The following ADGRB3 variants were observed in gnomAD, a reference collection of about 807,000 sequenced individuals.
ADGRB3 encodes the protein brain-specific angiogenesis inhibitor 3.
A neutral mutation model predicts 193.4 loss-of-function variants in ADGRB3; 37 were observed. The observed-to-expected ratio is 0.19, with a 90% CI of 0.15 to 0.25. The LOEUF is 0.25. ADGRB3 is among the 10% of genes least tolerant of loss of function. The probability of loss-of-function intolerance (pLI) is 1.00; values close to 1 mark genes in which losing one functional copy is unlikely to be tolerated. For synonymous variants in ADGRB3, 690 were observed against 644.2 expected, an observed-to-expected ratio of 1.07 and a Z score of -1.08; for missense variants, 1,637 against 1,852.9, an observed-to-expected ratio of 0.88 and a Z score of 2.14.
chr6:69,315,192 A>C (rs1173515864), intron 20 of ADGRB3, among the ~76,000 whole-genome samples: 1 of 151,592 alleles, frequency 6.6e-6, no homozygotes, highest in Non-Finnish European at 1.5e-5. Flanking sequence ...AGAACCCTTT[A>C]AAGCACAAGG....
intron 20 of ADGRB3, among the ~76,000 whole-genome samples, chr6:69,259,255 A>T (rs1329063681): frequency 1.3e-5 from 2 of 152,234 alleles, no homozygotes; most frequent in Non-Finnish European, 2.9e-5. Flanking sequence ...TGGGCCTACA[A>T]GAAGGATGAT....
intron 13 of ADGRB3, among the ~76,000 whole-genome samples, chr6:69,022,560 T>C (rs1402151030): frequency 2.0e-5 from 3 of 151,924 alleles, no homozygotes; most frequent in African/African-American, 4.8e-5. Context: ...TTCCAGAAAC[T>C]CTAATTGCCA....
intron 3 of ADGRB3, among the ~76,000 whole-genome samples, chr6:68,851,142 T>C (rs1026249329): frequency 6.6e-6 from 1 of 152,012 alleles, no homozygotes; most frequent in African/African-American, 2.4e-5. Flanking sequence ...GTAACGTGTT[T>C]AGCCTCTTCC....
intron 17 of ADGRB3, among the ~76,000 whole-genome samples, chr6:69,176,563 T>C (rs1056643401): frequency 2.0e-5 from 3 of 152,200 alleles, no homozygotes; most frequent in African/African-American, 7.2e-5. Flanking sequence ...TTTGTGTGTG[T>C]GTCCATGTTC....
At chr6:69,157,910 A>G (rs567500028) in intron 17 of ADGRB3, among the ~76,000 whole-genome samples, 34 of 152,208 alleles carry the variant, frequency 2.2e-4, no homozygotes, top group African/African-American at 8.2e-4. Context: ...GTGCAGAACT[A>G]CCTCTATTAA....
chr6:68,719,055 T>C (rs553514963), intron 3 of ADGRB3, among the ~76,000 whole-genome samples: 68 of 151,932 alleles, frequency 4.5e-4, no homozygotes, highest in Non-Finnish European at 6.9e-4. Flanking sequence ...CTTAATAGAA[T>C]GTTTTGTAGA....
At chr6:68,920,345 C>T (rs1207027772) in intron 3 of ADGRB3, among the ~76,000 whole-genome samples, 1 of 151,764 alleles carries the variant, frequency 6.6e-6, no homozygotes, top group East Asian at 1.9e-4. Flanking sequence ...TGGTGAAACC[C>T]CATTTCTACT....
chr6:68,874,366 C>G (rs189315634), intron 3 of ADGRB3, among the ~76,000 whole-genome samples: 1 of 151,992 alleles, frequency 6.6e-6, no homozygotes, highest in Non-Finnish European at 1.5e-5. Flanking sequence ...ATTATACATT[C>G]TTCATAACTA....
chr6:68,787,355 T>C (rs1015298627), intron 3 of ADGRB3, among the ~76,000 whole-genome samples: 5 of 152,228 alleles, frequency 3.3e-5, no homozygotes, highest in African/African-American at 1.2e-4. Flanking sequence ...TGAGGGTTTT[T>C]AGCATGAAGC....
intron 20 of ADGRB3, among the ~76,000 whole-genome samples, chr6:69,317,942 A>G (rs1025085784): frequency 1.3e-5 from 2 of 151,500 alleles, no homozygotes; most frequent in Non-Finnish European, 3.0e-5. Context: ...AAAATTTTAT[A>G]TGTTGATCTT....
At chr6:69,138,068 T>C (rs1180645089) in intron 17 of ADGRB3, among the ~76,000 whole-genome samples, 3 of 152,176 alleles carry the variant, frequency 2.0e-5, no homozygotes, top group African/African-American at 7.2e-5. Context: ...TATTCAGACC[T>C]AGAAACGGTA....
chr6:68,777,833 C>A (rs1766778750), intron 3 of ADGRB3, among the ~76,000 whole-genome samples: 2 of 151,948 alleles, frequency 1.3e-5, no homozygotes, highest in Admixed American at 1.3e-4. Flanking sequence ...ACAGGGTCTG[C>A]CACAAAAATA....
chr6:69,030,749 C>T (rs1407897708), intron 13 of ADGRB3, among the ~76,000 whole-genome samples: 2 of 152,138 alleles, frequency 1.3e-5, no homozygotes, highest in Non-Finnish European at 2.9e-5. Flanking sequence ...ACATGTATTG[C>T]AGAACTTAAA....
At chr6:69,210,834 G>A (rs1209005727) in intron 17 of ADGRB3, among the ~76,000 whole-genome samples, 3 of 152,078 alleles carry the variant, frequency 2.0e-5, no homozygotes, top group South Asian at 2.1e-4. Context: ...TAAGCAGAAC[G>A]GCCAGGCATG....
intron 3 of ADGRB3, among the ~76,000 whole-genome samples, chr6:68,729,906 T>A (rs547799722): frequency 6.6e-6 from 1 of 151,724 alleles, no homozygotes; most frequent in African/African-American, 2.4e-5. Context: ...AGTACTCTTA[T>A]GAGCTCTGGA....
At position 68,956,189 on chromosome 6, in the gene ADGRB3, G is replaced by A. The variant is rs1768066301; in HGVS notation, c.1360+1G>A. On this transcript the variant is annotated splice_donor_variant, in intron 7 of 31. Transcript: ENST00000370598. LOFTEE classifies it high-confidence loss of function. The stretch of plus-strand genomic sequence containing the variant: ...GAGTGCTATAACCCTGAATGTACAG[G>A]TAGGGCTTGATTCCTGCATATCATG... The A allele has an allele frequency of 1.2e-6, 2 of 1,604,080 alleles. No individual in the cohort carries two copies. Among genetic ancestry groups the A allele is most frequent in the Admixed American group, 1.7e-5 (1 of 58,970 alleles).
At chr6:68,970,266 C>A (rs2880588) in intron 8 of ADGRB3, among the ~76,000 whole-genome samples, 1 of 151,510 alleles carries the variant, frequency 6.6e-6, no homozygotes, top group African/African-American at 2.4e-5. Context: ...AATGTCTAGG[C>A]AGACTACTTT....
chr6:69,327,801 G>A lies in ADGRB3; in HGVS notation c.2966-19G>A. ...TGGTTATAGCTAAATATGAATGCGT[G>A]ACATTGCTTTTCTTGCAGGTTTACC... On this transcript the variant is annotated intron_variant, in intron 21 of 31. Coordinates refer to ENST00000370598, the MANE Select transcript of ADGRB3 (RefSeq NM_001704.3). 2 of 1,601,962 alleles carry A rather than the reference G, an allele frequency of 1.2e-6. No homozygotes were observed. Among genetic ancestry groups the A allele is most frequent in the Non-Finnish European group, 8.5e-7 (1 of 1,171,344 alleles).
At chr6:69,257,705 A>AT (rs1401831733) in intron 20 of ADGRB3, among the ~76,000 whole-genome samples, 2 of 152,164 alleles carry the variant, frequency 1.3e-5, no homozygotes, top group Admixed American at 6.5e-5. Flanking sequence ...CATCTTCAAG[A>AT]TTTAGTTGAC....
Sources: allele counts gnomAD v4.1 joint callset (sites outside exome capture counted in the v4.1 genomes callset), GRCh38; gene constraint gnomAD v4.1.1; transcripts MANE v1.5; gene names NCBI Gene and HGNC (gene_info 2026-07-23, HGNC 2026-07-21).